Variants in GPATCH2L observed in about 807,000 individuals in gnomAD.
The protein encoded by GPATCH2L is G-patch domain containing 2 like.
In GPATCH2L, 31 loss-of-function variants were observed where a neutral mutation model predicts 57.4. The observed-to-expected ratio is 0.54, with a 90% confidence interval of 0.41 to 0.73. GPATCH2L has a LOEUF of 0.73. Ranked by LOEUF, GPATCH2L falls within the 30% of genes least tolerant of loss-of-function variation. The pLI is 0.00. For missense variants in GPATCH2L, 481 were observed against 599.9 expected, an observed-to-expected ratio of 0.80 and a Z score of 2.07; for synonymous variants, 199 against 210.7, an observed-to-expected ratio of 0.94 and a Z score of 0.48.
chr14:76,194,878 C>T (rs1481349780), intron 8 of GPATCH2L, among the ~76,000 whole-genome samples: 2 of 152,100 alleles, frequency 1.3e-5, no homozygotes, highest in Admixed American at 6.6e-5. Flanking sequence ...TAATGAGGAT[C>T]GCCTGTGTGC....
intron 2 of GPATCH2L, among the ~76,000 whole-genome samples, chr14:76,161,659 T>G (rs1181296030): frequency 6.6e-6 from 1 of 152,204 alleles, no homozygotes; most frequent in Non-Finnish European, 1.5e-5. Context: ...AAGCTACTGT[T>G]TAGGAAGAAG....
chr14:76,227,333 C>T (rs996085844), intron 1 of GPATCH2L, among the ~76,000 whole-genome samples: 3 of 152,182 alleles, frequency 2.0e-5, no homozygotes, highest in African/African-American at 7.2e-5. Context: ...CTCCTAACCT[C>T]AAAAGGCCTG....
chr14:76,176,634 A>T lies in GPATCH2L; in HGVS notation c.996A>T (p.Ile332=). 6.2e-7 allele frequency: 1 copy of T among 1,608,810 alleles called. No homozygotes were observed. The highest frequency in any genetic ancestry group is 8.5e-7 in the Non-Finnish European group (1 of 1,175,132). Residue 332 remains isoleucine (I), a synonymous_variant, in exon 6 of 10, where the codon ATA becomes ATT. Coordinates refer to ENST00000261530, the MANE Select transcript of GPATCH2L (RefSeq NM_017926.4). ...RRRLVGKETS[I]NTLGTERISH... ...CCTTTTCTTTTTAGGAGACCAGCAT[A>T]AACACTTTGGGGACTGAGAGGATAA...
rs2040357457 is a variant in GPATCH2L at position 76,204,903 on chromosome 14, T to G, written c.*3052T>G. The G allele has an allele frequency of 6.6e-6, 1 of 152,220 alleles. No individual in the cohort carries two copies. The allele number at this position is 152,220 out of a possible 1,614,324, so 9.4% of individuals were successfully genotyped here. On this transcript the variant is annotated 3_prime_UTR_variant, in exon 10 of 10. Coordinates refer to ENST00000261530, the MANE Select transcript of GPATCH2L (RefSeq NM_017926.4). Reference sequence around the variant, plus strand: ...TTTTAATTACGAGTTTAAAGGAATTTTAGATTTTTTTCAGATGCAGTATTT... The same window carrying G: ...TTTTAATTACGAGTTTAAAGGAATTGTAGATTTTTTTCAGATGCAGTATTT...
rs2038560034 is a variant in GPATCH2L at position 76,161,078 on chromosome 14, GAAT to G, written c.663-5582_663-5580del. Among the ~76,000 whole-genome samples the G allele has an allele frequency of 2.6e-5, 4 of 152,246 alleles. No individual in the cohort carries two copies. In the South Asian group the frequency reaches 8.3e-4, roughly 32 times the overall value. ...CAGAACTGATGTGAGATATTTCTCT[GAAT>G]AACCTCTCCCTCAGTCTTGTTTACT... On this transcript the variant is annotated intron_variant, in intron 2 of 9. Coordinates refer to ENST00000261530, the MANE Select transcript of GPATCH2L (RefSeq NM_017926.4).
At chr14:76,156,088 A>C (rs999085822) in intron 2 of GPATCH2L, among the ~76,000 whole-genome samples, 3 of 152,218 alleles carry the variant, frequency 2.0e-5, no homozygotes, top group African/African-American at 7.2e-5. Flanking sequence ...ATTTGTATTT[A>C]CAGAAGGGAA....
Position 76,213,264 on chromosome 14 carries a change from A to T in GPATCH2L, c.*11413A>T, listed in dbSNP as rs960513113. 6.6e-6 allele frequency: 1 copy of T among 152,190 alleles called. No individual in the cohort carries two copies. Among genetic ancestry groups the T allele is most frequent in the African/African-American group, 2.4e-5 (1 of 41,458 alleles). 9.4% of individuals were successfully genotyped at this position (152,190 alleles called of 1,614,324 possible). A position where few individuals can be genotyped will look rare whatever the true frequency, so the allele number is the denominator to read the frequency against. On this transcript the variant is annotated 3_prime_UTR_variant, in exon 10 of 10. Coordinates refer to ENST00000261530, the MANE Select transcript of GPATCH2L (RefSeq NM_017926.4). ...AAGAGTCATAAAATATTCTTTGCTCAACTGTATGCAAACAATTTAAAAACT... is the reference window on the plus strand; with the variant it reads ...AAGAGTCATAAAATATTCTTTGCTCTACTGTATGCAAACAATTTAAAAACT...
At chr14:76,195,244 A>C (rs966015091) in intron 8 of GPATCH2L, among the ~76,000 whole-genome samples, 2 of 152,226 alleles carry the variant, frequency 1.3e-5, no homozygotes, top group Non-Finnish European at 2.9e-5. Context: ...CATACCACGT[A>C]GTTCAGTGTT....
At chr14:76,172,956 G>A (rs147214059) in intron 4 of GPATCH2L, among the ~76,000 whole-genome samples, 242 of 152,238 alleles carry the variant, frequency 1.6e-3, no homozygotes, top group Middle Eastern at 6.8e-3. Context: ...GTTTCTAATG[G>A]ACCACTTAAA....
intron 2 of GPATCH2L, among the ~76,000 whole-genome samples, chr14:76,163,927 T>C (rs1278243331): frequency 1.3e-5 from 2 of 152,230 alleles, no homozygotes; most frequent in African/African-American, 4.8e-5. Context: ...ATATTTTTTT[T>C]CCCTGGCCAG....
chr14:76,216,690 A>C (rs1229877296), downstream of GPATCH2L, among the ~76,000 whole-genome samples: 5 of 152,172 alleles, frequency 3.3e-5, no homozygotes, highest in Non-Finnish European at 7.3e-5. Context: ...CATTGATTGT[A>C]AAGTTCATTT....
At position 76,206,694 on chromosome 14, in the gene GPATCH2L, A is replaced by G. The variant is rs183921828; in HGVS notation, c.*4843A>G. ...AGCACATCTTGCCCTCACCAGACCT[A>G]CTGAATCCGAAACTCCCAGCGCAAG... is the stretch of plus-strand genomic sequence containing the variant. On this transcript the variant is annotated 3_prime_UTR_variant, in exon 10 of 10. Transcript: ENST00000261530. 11 of 152,472 alleles carry G rather than the reference A, an allele frequency of 7.2e-5. No individual in the cohort carries two copies. Among genetic ancestry groups the G allele is most frequent in the African/African-American group, 2.2e-4 (9 of 41,552 alleles). The allele number at this position is 152,472 out of a possible 1,614,324, so 9.4% of individuals were successfully genotyped here. A position where few individuals can be genotyped will look rare whatever the true frequency, so the allele number is the denominator to read the frequency against.
downstream of GPATCH2L, among the ~76,000 whole-genome samples, chr14:76,216,574 C>T (rs1007684180): frequency 6.6e-6 from 1 of 151,524 alleles, no homozygotes; most frequent in African/African-American, 2.4e-5. Context: ...AGTTTTGTAA[C>T]ATTAAACAAA....
chr14:76,228,360 C>T (rs113139154), intron 1 of GPATCH2L, among the ~76,000 whole-genome samples: 2 of 152,196 alleles, frequency 1.3e-5, no homozygotes, highest in South Asian at 2.1e-4. Flanking sequence ...CGTGCGCGCG[C>T]GTGTGTGTGT....
At chr14:76,183,376 A>C (rs1327286157) in intron 8 of GPATCH2L, among the ~76,000 whole-genome samples, 3 of 152,256 alleles carry the variant, frequency 2.0e-5, no homozygotes, top group African/African-American at 7.2e-5. Context: ...TCTAGACGTC[A>C]TACCCAGGGC....
intron 1 of GPATCH2L, chr14:76,152,372 A>G: frequency 4.1e-6 from 1 of 243,860 alleles, no homozygotes; most frequent in South Asian, 4.5e-5. Context: ...TCCCGGAGGG[A>G]GCTCAGTCGC....
intron 1 of GPATCH2L, chr14:76,153,752 A>G (rs1370887285): frequency 1.3e-5 from 2 of 152,220 alleles, no homozygotes; most frequent in East Asian, 1.9e-4. Flanking sequence ...GGTCACTACA[A>G]TTTCTTGGAT....
chr14:76,152,071 G>A (rs2038066038), intron 1 of GPATCH2L, 80 bp downstream of exon 1: 2 of 152,662 alleles, frequency 1.3e-5, no homozygotes, highest in Non-Finnish European at 2.9e-5. Flanking sequence ...AGCCGCGGCT[G>A]AGCGGCTAAG....
At chr14:76,231,985 C>CCTCACTGCAGCCTCACTGCAGT (rs2040568547) in intron 2 of GPATCH2L, among the ~76,000 whole-genome samples, 1 of 132,926 alleles carries the variant, frequency 7.5e-6, no homozygotes, top group Non-Finnish European at 1.6e-5. Context: ...CTCACTGCAG[C>CCTCACTGCAGCCTCACTGCAGT]CTCACTGCAG....
Sources: allele counts gnomAD v4.1 joint callset (sites outside exome capture counted in the v4.1 genomes callset), GRCh38; gene constraint gnomAD v4.1.1; transcripts MANE v1.5; gene names NCBI Gene and HGNC (gene_info 2026-07-23, HGNC 2026-07-21).